PPP2R2B: variants seen among roughly 807,000 people sequenced by gnomAD.
The protein encoded by PPP2R2B is protein phosphatase 2 regulatory subunit Bbeta.
A neutral mutation model predicts 46.0 loss-of-function variants in PPP2R2B; 5 were observed. That is an observed-to-expected ratio of 0.11 (90% CI 0.06 to 0.23). The LOEUF (loss-of-function observed/expected upper bound fraction) is 0.23, where lower values mean the gene tolerates loss of function less well. PPP2R2B is among the 10% of genes least tolerant of loss of function. The probability of loss-of-function intolerance (pLI) is 1.00; values close to 1 mark genes in which losing one functional copy is unlikely to be tolerated. For synonymous variants in PPP2R2B, 215 were observed against 206.7 expected (o/e 1.04, Z -0.34); for missense variants, 367 against 575.0 (o/e 0.64, Z 3.70).
intron 7 of PPP2R2B, among the ~76,000 whole-genome samples, chr5:146,617,684 C>CTG (rs1773300742): frequency 6.8e-6 from 1 of 147,518 alleles, no homozygotes; most frequent in African/African-American, 2.6e-5. Flanking sequence ...CCTCTCATCT[C>CTG]TCTCTCTCTC....
intron 7 of PPP2R2B, among the ~76,000 whole-genome samples, chr5:146,607,390 G>A (rs1180701033): frequency 6.6e-6 from 1 of 152,150 alleles, no homozygotes; most frequent in African/African-American, 2.4e-5. Context: ...TCAGATGAAG[G>A]ATTCTGAATT....
intron 2 of PPP2R2B, among the ~76,000 whole-genome samples, chr5:146,840,113 T>A (rs1045086492): frequency 2.0e-5 from 3 of 152,222 alleles, no homozygotes; most frequent in African/African-American, 7.2e-5. Context: ...TTTTTTTCTA[T>A]GAGAATTTCT....
rs552031228 is a variant in PPP2R2B at position 147,041,875 on chromosome 5, C to G, written c.79+13790G>C. On this transcript the variant is annotated intron_variant, in intron 1 of 8. Coordinates refer to the PPP2R2B transcript ENST00000336640. ...TACTAACGCTATTTTTAGACTCTCC[C>G]TTTCCTTTAATCACCTAGCCTTGCT... Among the ~76,000 whole-genome samples, 11 of 152,212 alleles carry G rather than the reference C, an allele frequency of 7.2e-5. No homozygotes were observed. In the East Asian group the frequency reaches 2.1e-3, roughly 30 times the overall value.
In PPP2R2B at chr5:146,828,762, A is replaced by C. The variant is rs1233493188; in HGVS notation, c.70+49240T>G. Among the ~76,000 whole-genome samples the C allele has an allele frequency of 2.0e-5, 3 of 152,184 alleles. No individual in the cohort carries two copies. In the East Asian group the frequency reaches 5.8e-4, roughly 29 times the overall value. ...AAGAATTTTTTTCCCCCTCTTTGGA[A>C]TTCTTAGGTCTGGTTCTAAATCACA... is the stretch of plus-strand genomic sequence containing the variant. On this transcript the variant is annotated intron_variant, in intron 2 of 9. Transcript: ENST00000394411.
chr5:146,968,306 A>C (rs1005368117), intron 1 of PPP2R2B, among the ~76,000 whole-genome samples: 1 of 152,100 alleles, frequency 6.6e-6, no homozygotes, highest in African/African-American at 2.4e-5. Context: ...TCATGTTTTC[A>C]TATATTTATG....
intron 2 of PPP2R2B, among the ~76,000 whole-genome samples, chr5:146,752,452 C>A (rs1753614689): frequency 6.6e-6 from 1 of 152,206 alleles, no homozygotes; most frequent in African/African-American, 2.4e-5. Flanking sequence ...TAACACATAT[C>A]TGAAATTATC....
rs200820836 is a variant in PPP2R2B at position 146,909,905 on chromosome 5, A to G, written c.79+145760T>C. Among the ~76,000 whole-genome samples, 6 of 152,360 alleles carry G rather than the reference A, an allele frequency of 3.9e-5. No individual in the cohort carries two copies. In the East Asian group the frequency reaches 1.2e-3, roughly 29 times the overall value. ...CCCAAACAGATTAAGGACTACCCCT[A>G]TGGCTAATTTCTTTAGCAGTTTCAT... On this transcript the variant is annotated intron_variant, in intron 1 of 8. Coordinates refer to the PPP2R2B transcript ENST00000336640.
intron 1 of PPP2R2B, among the ~76,000 whole-genome samples, chr5:147,020,201 T>C (rs1388035814): frequency 3.9e-5 from 6 of 152,088 alleles, no homozygotes; most frequent in Non-Finnish European, 8.8e-5. Flanking sequence ...ACACATTCAA[T>C]TCCCTCTTGG....
chr5:146,899,020 T>C (rs1762737347), intron 1 of PPP2R2B, among the ~76,000 whole-genome samples: 1 of 151,432 alleles, frequency 6.6e-6, no homozygotes, highest in South Asian at 2.1e-4. Flanking sequence ...TTTTACACTG[T>C]TGGTGGGACT....
intron 1 of PPP2R2B, among the ~76,000 whole-genome samples, chr5:146,995,081 C>T (rs1235821485): frequency 6.6e-6 from 1 of 152,212 alleles, no homozygotes; most frequent in African/African-American, 2.4e-5. Flanking sequence ...TGAGTTTCCA[C>T]AATTCTGTTC....
intron 2 of PPP2R2B, among the ~76,000 whole-genome samples, chr5:146,867,744 A>T (rs1761391443): frequency 6.6e-6 from 1 of 152,192 alleles, no homozygotes; most frequent in South Asian, 2.1e-4. Flanking sequence ...TATTTTGAGA[A>T]GGACGGAGTG....
chr5:146,712,060 C>T (rs1780240615), intron 2 of PPP2R2B, among the ~76,000 whole-genome samples: 1 of 152,102 alleles, frequency 6.6e-6, no homozygotes, highest in East Asian at 1.9e-4. Flanking sequence ...ATATGATAGG[C>T]AAGGATTTGA....
intron 7 of PPP2R2B, among the ~76,000 whole-genome samples, chr5:146,631,917 C>T (rs955452950): frequency 8.5e-5 from 13 of 152,154 alleles, no homozygotes; most frequent in African/African-American, 3.1e-4. Flanking sequence ...TCCACTCTTA[C>T]CTCCTGGAGG....
rs559999545 is a variant in PPP2R2B at position 146,987,964 on chromosome 5, G to A, written c.79+67701C>T. On this transcript the variant is annotated intron_variant, in intron 1 of 8. Transcript: ENST00000336640. ...CAAGTGGAAACCAAAGAGGGCAGGAGTAGCTATACTTATATCAGATAAAAT... is the reference window on the plus strand; with the variant it reads ...CAAGTGGAAACCAAAGAGGGCAGGAATAGCTATACTTATATCAGATAAAAT... 2.0e-5 allele frequency among the ~76,000 whole-genome samples: 3 copies of A among 152,062 alleles called. No homozygotes were observed. In the South Asian group the frequency reaches 6.2e-4, roughly 32 times the overall value.
intron 4 of PPP2R2B, among the ~76,000 whole-genome samples, chr5:146,694,456 C>A (rs1779057645): frequency 6.6e-6 from 1 of 152,064 alleles, no homozygotes; most frequent in African/African-American, 2.4e-5. Flanking sequence ...ATCCCATTTG[C>A]AAAGTTAACA....
chr5:146,820,950 G>T (rs1398613795), intron 2 of PPP2R2B, among the ~76,000 whole-genome samples: 1 of 151,926 alleles, frequency 6.6e-6, no homozygotes, highest in Non-Finnish European at 1.5e-5. Context: ...CCTCTGCACT[G>T]CGCTAGTCCT....
At chr5:146,681,078 G>A (rs760177978) in intron 5 of PPP2R2B, among the ~76,000 whole-genome samples, 2 of 152,086 alleles carry the variant, frequency 1.3e-5, no homozygotes, top group Non-Finnish European at 2.9e-5. Flanking sequence ...TGCATCAGTC[G>A]AAGCCCGGCT....
At chr5:146,598,241 T>C (rs1453225007) in intron 8 of PPP2R2B, among the ~76,000 whole-genome samples, 1 of 152,240 alleles carries the variant, frequency 6.6e-6, no homozygotes, top group Non-Finnish European at 1.5e-5. Context: ...TCTTCTGTAC[T>C]TGATTCAGCA....
At chr5:146,662,905 A>G (rs1581819983) in intron 5 of PPP2R2B, among the ~76,000 whole-genome samples, 1 of 152,178 alleles carries the variant, frequency 6.6e-6, no homozygotes, top group South Asian at 2.1e-4. Context: ...AAAAGGGAAA[A>G]GAAAATGACC....
Sources: allele counts gnomAD v4.1 joint callset (sites outside exome capture counted in the v4.1 genomes callset), GRCh38; gene constraint gnomAD v4.1.1; transcripts MANE v1.5; gene names NCBI Gene and HGNC (gene_info 2026-07-23, HGNC 2026-07-21).